ZC3H4: variants seen among roughly 807,000 people sequenced by gnomAD.
The protein encoded by ZC3H4 is zinc finger CCCH domain-containing protein 4.
In ZC3H4, 13 loss-of-function variants were observed where a neutral mutation model predicts 108.3. The ratio of observed to expected loss-of-function variants is 0.12; its 90% CI spans 0.08 to 0.19. The LOEUF (loss-of-function observed/expected upper bound fraction) is 0.19. Among genes scored for constraint, ZC3H4 ranks in the 10% least tolerant of loss-of-function variants. The probability of loss-of-function intolerance (pLI) is 1.00; values close to 1 mark genes in which losing one functional copy is unlikely to be tolerated. For synonymous variants in ZC3H4, 917 were observed against 749.6 expected (o/e 1.22, Z -3.65); for missense variants, 1,734 against 1,838.8 (o/e 0.94, Z 1.04).
Position 47,072,093 on chromosome 19 carries a change from G to C in ZC3H4, c.1831C>G (p.Pro611Ala), listed in dbSNP as rs750961283. Residue 611 changes from proline to alanine, a missense_variant, in exon 13 of 15, where the codon CCA (proline) becomes GCA (alanine). Around this residue, in one of 9 missense-constraint regions of ZC3H4, gnomAD observed 540 missense variants for 484.1 expected, o/e 1.12. Coordinates refer to ENST00000253048, the MANE Select transcript of ZC3H4 (RefSeq NM_015168.2). This position sits in a 1 kb window ranked among gnomAD's most constrained non-coding sequence, Gnocchi z 5.6. ...RFPGPGGPPG[P>A]MGPGPNMGPP... ...CCCATGTTGGGCCCAGGGCCCATTG[G>C]CCCTGGGGGTCCACCGGGTCCAGGG... 2 of 1,552,938 alleles carry C rather than the reference G, an allele frequency of 1.3e-6. No homozygotes were observed. Among genetic ancestry groups the C allele is most frequent in the Non-Finnish European group, 1.7e-6 (2 of 1,153,580 alleles).
chr19:47,094,100 A>G lies in ZC3H4; in HGVS notation c.382-20T>C, dbSNP rs2057782799. On this transcript the variant is annotated intron_variant, in intron 3 of 14. Coordinates refer to ENST00000253048, the MANE Select transcript of ZC3H4 (RefSeq NM_015168.2). ...ATGGCGCTGTAATGACAGGGGAAGG[A>G]GACTCAGCAACCTGCCACAGGCAGG... is the stretch of plus-strand genomic sequence containing the variant. The G allele has an allele frequency of 6.2e-7, 1 of 1,611,000 alleles. No homozygotes were observed. The highest frequency in any genetic ancestry group is 2.2e-5 in the East Asian group (1 of 44,806).
chr19:47,085,237 T>TCCCCCA, intron 7 of ZC3H4, 42 bp from the exon 8 acceptor site: 2 of 813,274 alleles, frequency 2.5e-6, no homozygotes, highest in South Asian at 2.9e-5. Flanking sequence ...GACCACCCCC[T>TCCCCCA]CCCCCACCCC....
intron 10 of ZC3H4, 101 bp from the exon 11 acceptor site, chr19:47,081,723 A>T (rs1419955340): frequency 1.9e-6 from 2 of 1,059,684 alleles, no homozygotes; most frequent in East Asian, 4.9e-5. Context: ...TGGAGATAAG[A>T]AATCTGAGCC....
At chr19:47,084,030 G>A (rs2057570233) in intron 9 of ZC3H4, among the ~76,000 whole-genome samples, 1 of 152,054 alleles carries the variant, frequency 6.6e-6, no homozygotes, top group Non-Finnish European at 1.5e-5. Context: ...ACTTCACCAG[G>A]ATATGCTGCT....
At chr19:47,103,465 A>C (rs2057928502) in intron 2 of ZC3H4, among the ~76,000 whole-genome samples, 1 of 152,110 alleles carries the variant, frequency 6.6e-6, no homozygotes. Flanking sequence ...CACCATGCCC[A>C]GCTAATTTTT....
intron 11 of ZC3H4, among the ~76,000 whole-genome samples, chr19:47,076,222 A>T (rs1230145121): frequency 2.0e-5 from 3 of 152,220 alleles, no homozygotes; most frequent in Non-Finnish European, 4.4e-5. Context: ...ACTACACAGC[A>T]ACAAATGGTA....
Position 47,067,778 on chromosome 19 carries a change from G to A in ZC3H4, c.2490C>T (p.Ser830=). 6.2e-7 allele frequency: 1 copy of A among 1,609,186 alleles called. No individual in the cohort carries two copies. Among genetic ancestry groups the A allele is most frequent in the Non-Finnish European group, 8.5e-7 (1 of 1,178,598 alleles). ...ILKTLRQQTS[S]RPPASVGELS... ...GCTCCCCAACTGAAGCCGGGGGTCG[G>A]CTGGACGTCTGCTGCCTCAAGGTCT... The change falls in exon 15 of 15, where the codon AGC becomes AGT. Residue 830 remains serine (S), a synonymous_variant. Transcript: ENST00000253048. This position sits in a 1 kb window ranked among gnomAD's most constrained non-coding sequence, Gnocchi z 6.4.
At chr19:47,102,458 T>G (rs1368971918) in intron 2 of ZC3H4, among the ~76,000 whole-genome samples, 1 of 152,138 alleles carries the variant, frequency 6.6e-6, no homozygotes, top group African/African-American at 2.4e-5. Context: ...AATGCCAGAA[T>G]GAGGTACCAA....
chr19:47,112,383 T>TC (rs1158936014), intron 2 of ZC3H4, 41 bp downstream of exon 2: 2 of 1,228,262 alleles, frequency 1.6e-6, no homozygotes, highest in Non-Finnish European at 2.0e-6. Context: ...CTCCTCTTCC[T>TC]CCCCCCGGGG....
chr19:47,078,142 AG>A (rs1366082108), intron 11 of ZC3H4, among the ~76,000 whole-genome samples: 9 of 152,210 alleles, frequency 5.9e-5, no homozygotes, highest in East Asian at 3.8e-4. Flanking sequence ...ACATACAAAA[AG>A]CCCCCCTAAA....
intron 2 of ZC3H4, among the ~76,000 whole-genome samples, chr19:47,110,624 A>G (rs1319093137): frequency 6.6e-6 from 1 of 152,192 alleles, no homozygotes; most frequent in Non-Finnish European, 1.5e-5. Context: ...TTACTCAATA[A>G]AAGAGGCTAC....
Position 47,072,023 on chromosome 19 carries a change from G to A in ZC3H4, c.1901C>T (p.Pro634Leu), listed in dbSNP as rs1418225326. 5.7e-6 allele frequency: 9 copies of A among 1,590,372 alleles called. No individual in the cohort carries two copies. The Admixed American group carries it at 1.1e-4, about 19-fold the overall frequency. ...AGGGTGCATGTCCGGGTGCATGTCGGGGTGCATGTCAGGATGCATTGGACC... is the reference window on the plus strand; with the variant it reads ...AGGGTGCATGTCCGGGTGCATGTCGAGGTGCATGTCAGGATGCATTGGACC... ...MGGPMHPDMH[P>L]DMHPDMHPDM... Residue 634 changes from proline to leucine, a missense_variant, in exon 13 of 15, where the codon CCC (proline) becomes CTC (leucine). Coordinates refer to ENST00000253048, the MANE Select transcript of ZC3H4 (RefSeq NM_015168.2). The surrounding 1 kb of genome is among the most constrained non-coding windows in gnomAD (Gnocchi z 5.6).
At chr19:47,073,558 C>A (rs1354085913) in intron 11 of ZC3H4, among the ~76,000 whole-genome samples, 8 of 152,268 alleles carry the variant, frequency 5.3e-5, no homozygotes, top group Non-Finnish European at 1.2e-4. Flanking sequence ...AGCGACAGAG[C>A]CAGACTCCAT....
chr19:47,071,243 G>A (rs1378416269), intron 13 of ZC3H4, among the ~76,000 whole-genome samples: 1 of 152,078 alleles, frequency 6.6e-6, no homozygotes, highest in Admixed American at 6.5e-5. Context: ...TCTCGTGCCT[G>A]GCCCTCCTCC....
At position 47,066,752 on chromosome 19, in the gene ZC3H4, C is replaced by A; in HGVS notation, c.3516G>T (p.Lys1172Asn). 6.2e-7 allele frequency: 1 copy of A among 1,604,878 alleles called. No individual in the cohort carries two copies. Among genetic ancestry groups the A allele is most frequent in the African/African-American group, 1.3e-5 (1 of 75,044 alleles). ...AGCTCTTGCCATTGCCCTCAGCACC[C>A]TTGGGCTGGGCACCCGTGTCAGCAG... is the stretch of plus-strand genomic sequence containing the variant. ...EPAADTGAQPKGAEGNGKSSA... is the reference protein window; with the variant it reads ...EPAADTGAQPNGAEGNGKSSA... The change falls in exon 15 of 15, where the codon AAG (lysine) becomes AAT (asparagine). Residue 1172 changes from lysine (K) to asparagine (N), a missense_variant. Around this residue, in one of 9 missense-constraint regions of ZC3H4, gnomAD observed 518 missense variants for 499.6 expected, o/e 1.04. Coordinates refer to ENST00000253048, the MANE Select transcript of ZC3H4 (RefSeq NM_015168.2).
chr19:47,112,274 G>A (rs1454678762), intron 2 of ZC3H4, 150 bp downstream of exon 2: 24 of 1,124,964 alleles, frequency 2.1e-5, no homozygotes, highest in Non-Finnish European at 2.7e-5. Context: ...GCGAGCAAGC[G>A]ATCGAGAGAC....
intron 1 of ZC3H4, among the ~76,000 whole-genome samples, chr19:47,112,810 A>G (rs2058057714): frequency 6.6e-6 from 1 of 151,606 alleles, no homozygotes; most frequent in Non-Finnish European, 1.5e-5. Flanking sequence ...TCACTCGCTC[A>G]CTGGCGCGGG....
At position 47,066,427 on chromosome 19, in the gene ZC3H4, C is replaced by T. The variant is rs1453189995; in HGVS notation, c.3841G>A (p.Glu1281Lys). The T allele has an allele frequency of 1.3e-6, 2 of 1,569,728 alleles. No individual in the cohort carries two copies. The highest frequency in any genetic ancestry group is 1.2e-5 in the South Asian group (1 of 83,840). ...FAGNSPAREG[E>K]QDAASLKDVF... is the part of the protein sequence containing the mutation. ...TCCTTCAGGGATGCCGCATCCTGCT[C>T]ACCCTCGCGGGCCGGACTGTTCCCA... The change falls in exon 15 of 15, where the codon GAG becomes AAG. Residue 1281 changes from glutamate to lysine, a missense_variant. Physicochemically the swap from Glu to Lys is moderately conservative, Grantham distance 56. This residue lies in a region of ZC3H4 where 518 missense variants were observed against 499.6 expected (regional missense o/e 1.04). Transcript: ENST00000253048.
chr19:47,112,233 G>T, intron 2 of ZC3H4, 191 bp downstream of exon 2: 1 of 1,173,020 alleles, frequency 8.5e-7, no homozygotes, highest in Non-Finnish European at 1.1e-6. Context: ...AACGCATGAG[G>T]CCGGGAGAGA....
Sources: gnomAD v4.1 joint callset for allele counts (sites outside exome capture counted in the v4.1 genomes callset) on GRCh38, gnomAD v4.1.1 for gene constraint, gnomAD v4.1.1 regional missense constraint, Gnocchi (gnomAD v3.1) non-coding constraint, MANE v1.5 for transcripts, NCBI Gene and HGNC (gene_info 2026-07-23, HGNC 2026-07-21) for gene names.